Variants in TACC2 observed in about 807,000 individuals in gnomAD.
TACC2 encodes the protein transforming acidic coiled-coil-containing protein 2.
A neutral mutation model predicts 227.3 loss-of-function variants in TACC2; 137 were observed. That is an observed-to-expected ratio of 0.60 (90% CI 0.52 to 0.69). The LOEUF is 0.69. Ranked by LOEUF, TACC2 falls within the 30% of genes least tolerant of loss-of-function variation. The probability of loss-of-function intolerance (pLI) is 0.00; values close to 1 mark genes in which losing one functional copy is unlikely to be tolerated. For missense variants in TACC2, 3,470 were observed against 3,694.4 expected (o/e 0.94, Z 1.57); for synonymous variants, 1,523 against 1,487.5 (o/e 1.02, Z -0.55).
At chr10:122,165,181 A>G (rs1025422007) in intron 7 of TACC2, among the ~76,000 whole-genome samples, 4 of 152,192 alleles carry the variant, frequency 2.6e-5, no homozygotes, top group African/African-American at 7.2e-5. Context: ...TTTAAATGTT[A>G]TGATCCTTGT....
intron 7 of TACC2, among the ~76,000 whole-genome samples, chr10:122,191,714 C>G (rs2094417700): frequency 6.6e-6 from 1 of 152,200 alleles, no homozygotes; most frequent in Admixed American, 6.5e-5. Flanking sequence ...TATGCATAGT[C>G]TGATAAATAT....
At chr10:122,134,599 C>T (rs895197497) in intron 6 of TACC2, among the ~76,000 whole-genome samples, 2 of 152,244 alleles carry the variant, frequency 1.3e-5, no homozygotes, top group East Asian at 1.9e-4. Flanking sequence ...ACGTGGGGCA[C>T]CCCCTTCCTG....
intron 5 of TACC2, among the ~76,000 whole-genome samples, chr10:122,122,362 T>A (rs1008137659): frequency 1.1e-4 from 17 of 151,974 alleles, no homozygotes; most frequent in South Asian, 6.2e-4. Flanking sequence ...TCTCAAAAAA[T>A]AAATAAATAA....
chr10:122,103,828 C>G (rs1022626777), intron 5 of TACC2, among the ~76,000 whole-genome samples: 1 of 152,196 alleles, frequency 6.6e-6, no homozygotes, highest in Non-Finnish European at 1.5e-5. Context: ...GAGCACTGGA[C>G]TGGGGTCAAC....
At chr10:122,106,956 G>A (rs1030526168) in intron 5 of TACC2, among the ~76,000 whole-genome samples, 1 of 152,204 alleles carries the variant, frequency 6.6e-6, no homozygotes, top group African/African-American at 2.4e-5. Flanking sequence ...CAGGCACTGC[G>A]CCCTCGCATG....
intron 2 of TACC2, among the ~76,000 whole-genome samples, chr10:122,041,731 C>T (rs987804774): frequency 6.6e-6 from 1 of 152,182 alleles, no homozygotes; most frequent in African/African-American, 2.4e-5. Flanking sequence ...ACAGGTGTAG[C>T]CACAGCACCC....
At chr10:122,028,065 C>CTTTTTTCTTTCTTTCTTTTTTTT (rs1958286795) in intron 2 of TACC2, among the ~76,000 whole-genome samples, 1 of 114,328 alleles carries the variant, frequency 8.7e-6, no homozygotes, top group African/African-American at 3.9e-5. Flanking sequence ...TTCTTTTTTT[C>CTTTTTTCTTTCTTTCTTTTTTTT]TTTTTTCTTT....
chr10:122,146,808 G>C (rs1454965236), intron 7 of TACC2, among the ~76,000 whole-genome samples: 1 of 152,120 alleles, frequency 6.6e-6, no homozygotes, highest in Non-Finnish European at 1.5e-5. Flanking sequence ...TCCTTTTTCT[G>C]TTCCAGGATC....
rs540996934 is a variant in TACC2, at chr10:122,114,339, G to A, written c.5574-18270G>A. ...ATGACTTTTTTTCCGGGACTGTGAC[G>A]TGAGGCAGTGTTTGGTCTGTGAGAT... On this transcript the variant is annotated intron_variant, in intron 5 of 22. Coordinates refer to ENST00000369005, the MANE Select transcript of TACC2 (RefSeq NM_206862.4). Among the ~76,000 whole-genome samples the A allele has an allele frequency of 3.2e-4, 48 of 152,362 alleles. No homozygotes were observed. In the South Asian group the frequency reaches 9.5e-3, roughly 30 times the overall value.
At chr10:122,197,599 G>T (rs2094616700) in intron 8 of TACC2, among the ~76,000 whole-genome samples, 1 of 152,246 alleles carries the variant, frequency 6.6e-6, no homozygotes, top group Non-Finnish European at 1.5e-5. Context: ...CCCCACCAGG[G>T]AAGGGGATGG....
intron 1 of TACC2, among the ~76,000 whole-genome samples, chr10:122,002,076 T>C (rs540255845): frequency 6.6e-6 from 1 of 152,360 alleles, no homozygotes; most frequent in African/African-American, 2.4e-5. Context: ...AAGTCCAAGA[T>C]GAAGGTGCTG....
At chr10:122,043,544 C>CTG (rs61446690) in intron 2 of TACC2, among the ~76,000 whole-genome samples, 1 of 46,074 alleles carries the variant, frequency 2.2e-5, no homozygotes, top group Non-Finnish European at 4.5e-5. Context: ...CTCTCTCTCT[C>CTG]TGTCTCTCTG....
rs1163149530 is a variant in TACC2, at chr10:122,151,673, G to C, written c.5834+7967G>C. On this transcript the variant is annotated intron_variant, in intron 7 of 22. Coordinates refer to ENST00000369005, the MANE Select transcript of TACC2 (RefSeq NM_206862.4). ...GAAATATCTCTGGTGGCGAGGAGGA[G>C]GGTGGGTGGAGGAGAGGCCAGAGGT... 2.1e-5 allele frequency among the ~76,000 whole-genome samples: 3 copies of C among 145,108 alleles called. No homozygotes were observed. In the South Asian group the frequency reaches 6.5e-4, roughly 31 times the overall value.
chr10:122,195,939 C>T (rs1363506071), intron 8 of TACC2, among the ~76,000 whole-genome samples: 1 of 152,176 alleles, frequency 6.6e-6, no homozygotes, highest in African/African-American at 2.4e-5. Context: ...CTTACAGGAC[C>T]CCACTTTGGC....
In TACC2 at chr10:122,162,325, A is replaced by G. The variant is rs528271742; in HGVS notation, c.5834+18619A>G. On this transcript the variant is annotated intron_variant, in intron 7 of 22. Coordinates refer to ENST00000369005, the MANE Select transcript of TACC2 (RefSeq NM_206862.4). ...AAACATCCTTGGCCACGTCGCTAGAAAACAGTGTATTGGAGGCAATTTTAA... is the reference window on the plus strand; with the variant it reads ...AAACATCCTTGGCCACGTCGCTAGAGAACAGTGTATTGGAGGCAATTTTAA... 1.2e-4 allele frequency among the ~76,000 whole-genome samples: 19 copies of G among 152,344 alleles called. No homozygotes were observed. In the South Asian group the frequency reaches 3.5e-3, roughly 28 times the overall value.
intron 8 of TACC2, among the ~76,000 whole-genome samples, chr10:122,199,094 G>T (rs12411444): frequency 1.4e-4 from 22 of 152,318 alleles, no homozygotes; most frequent in East Asian, 1.4e-3. Context: ...GGAAAGGCCC[G>T]TGTTGGGGCC....
intron 3 of TACC2, among the ~76,000 whole-genome samples, chr10:122,069,281 G>A (rs186590496): frequency 3.2e-4 from 48 of 151,414 alleles, no homozygotes; most frequent in African/African-American, 6.8e-4. Context: ...TCGCTCTGTC[G>A]CCCAGCCTGG....
At position 122,017,599 on chromosome 10, in the gene TACC2, T is replaced by C. The variant is rs191231818; in HGVS notation, c.-45-4338T>C. ...TGGGAGGCTGAGGCAGGCGGATCGC[T>C]TGAGCCTAGGAGTTGGAGACCAACC... is the stretch of plus-strand genomic sequence containing the variant. On this transcript the variant is annotated intron_variant, in intron 1 of 22. Transcript: ENST00000369005. Among the ~76,000 whole-genome samples, 11 of 152,178 alleles carry C rather than the reference T, an allele frequency of 7.2e-5. No homozygotes were observed. In the East Asian group the frequency reaches 2.1e-3, roughly 29 times the overall value.
chr10:122,136,504 A>AAT (rs36026067), intron 6 of TACC2, among the ~76,000 whole-genome samples: 68,189 of 147,678 alleles, frequency 0.46, 17,687 homozygotes, highest in Non-Finnish European at 0.61. Context: ...AATTGAAATG[A>AAT]ATATATATAT....
Sources: allele counts gnomAD v4.1 joint callset (sites outside exome capture counted in the v4.1 genomes callset), GRCh38; gene constraint gnomAD v4.1.1; transcripts MANE v1.5; gene names NCBI Gene and HGNC (gene_info 2026-07-23, HGNC 2026-07-21).